The following MYO1E variants were observed in gnomAD, a reference collection of about 807,000 sequenced individuals.
MYO1E encodes unconventional myosin-Ie.
MYO1E carries 68 observed loss-of-function variants against 151.1 expected under a neutral mutation model. That is an observed-to-expected ratio of 0.45 (90% CI 0.37 to 0.55). The LOEUF (loss-of-function observed/expected upper bound fraction) is 0.55. Among genes scored for constraint, MYO1E ranks in the 20% least tolerant of loss-of-function variants. MYO1E has a pLI of 0.00. For synonymous variants in MYO1E, 601 were observed against 501.7 expected (o/e 1.20, Z -2.64); for missense variants, 1,363 against 1,389.3 (o/e 0.98, Z 0.30).
At chr15:59,279,222 A>T (rs999564004) in intron 1 of MYO1E, among the ~76,000 whole-genome samples, 2 of 152,142 alleles carry the variant, frequency 1.3e-5, no homozygotes, top group African/African-American at 4.8e-5. Flanking sequence ...CCAAGTGTAG[A>T]CACAGGCTCC....
At chr15:59,168,541 T>A (rs1202297857) in intron 22 of MYO1E, among the ~76,000 whole-genome samples, 1 of 151,776 alleles carries the variant, frequency 6.6e-6, no homozygotes, top group African/African-American at 2.4e-5. Context: ...TGAGACCCCG[T>A]CTCAAAAAAA....
At chr15:59,314,896 T>C (rs1324550213) in intron 1 of MYO1E, among the ~76,000 whole-genome samples, 4 of 152,116 alleles carry the variant, frequency 2.6e-5, no homozygotes, top group African/African-American at 4.8e-5. Flanking sequence ...CTCCAGCCAA[T>C]TGTTACCACA....
chr15:59,218,020 C>T lies in MYO1E; in HGVS notation c.978G>A (p.Arg326=), dbSNP rs141570155. Residue 326 remains arginine (R), a synonymous_variant, in exon 10 of 28, where the codon CGG becomes CGA. Coordinates refer to ENST00000288235, the MANE Select transcript of MYO1E (RefSeq NM_004998.4). ...TGCCTCCCCACTTGCTATCCATCTG[C>T]CGGCTTGTTAGCTTTTCTTTCAACC... is the stretch of plus-strand genomic sequence containing the variant. ...QDRLKEKLTS[R]QMDSKWGGKS... 510 of 1,614,222 alleles carry T rather than the reference C, an allele frequency of 3.2e-4. 2 individuals are homozygous for T. The African/African-American group carries it at 5.8e-3, about 18-fold the overall frequency.
intron 4 of MYO1E, among the ~76,000 whole-genome samples, chr15:59,245,056 A>G (rs1240579976): frequency 6.6e-6 from 1 of 152,194 alleles, no homozygotes; most frequent in Non-Finnish European, 1.5e-5. Flanking sequence ...GTATGGGCTG[A>G]CAGGGCCTCC....
intron 16 of MYO1E, among the ~76,000 whole-genome samples, chr15:59,198,546 C>A (rs1458302114): frequency 6.6e-6 from 1 of 152,162 alleles, no homozygotes; most frequent in East Asian, 1.9e-4. Flanking sequence ...CTGGGTGCAA[C>A]GGCTCACTCC....
intron 22 of MYO1E, among the ~76,000 whole-genome samples, chr15:59,165,958 G>T (rs1230845252): frequency 1.3e-5 from 2 of 152,218 alleles, no homozygotes; most frequent in African/African-American, 4.8e-5. Flanking sequence ...GCAGGATGGT[G>T]ATTATTCAAC....
chr15:59,256,949 G>C (rs2080197248), intron 3 of MYO1E, among the ~76,000 whole-genome samples: 1 of 152,136 alleles, frequency 6.6e-6, no homozygotes, highest in Non-Finnish European at 1.5e-5. Flanking sequence ...GTTCTTTAAA[G>C]GGATAAGCTA....
At chr15:59,357,609 T>C (rs2080862391) in intron 1 of MYO1E, among the ~76,000 whole-genome samples, 1 of 151,254 alleles carries the variant, frequency 6.6e-6, no homozygotes, top group Non-Finnish European at 1.5e-5. Context: ...GTTGTTGTTG[T>C]TGTTGTTGTT....
chr15:59,184,485 C>T (rs1194749814), intron 18 of MYO1E, among the ~76,000 whole-genome samples: 4 of 152,034 alleles, frequency 2.6e-5, no homozygotes, highest in Admixed American at 2.6e-4. Flanking sequence ...CTCAGCCTCC[C>T]AAGTAGCTGG....
At chr15:59,217,561 TA>T (rs1304791071) in intron 10 of MYO1E, among the ~76,000 whole-genome samples, 4 of 113,640 alleles carry the variant, frequency 3.5e-5, no homozygotes, top group South Asian at 6.9e-4. Context: ...GATCTCACTC[TA>T]ACCCCCAGGC....
At chr15:59,349,091 G>A (rs1456396398) in intron 1 of MYO1E, among the ~76,000 whole-genome samples, 1 of 152,098 alleles carries the variant, frequency 6.6e-6, no homozygotes, top group African/African-American at 2.4e-5. Context: ...GAATTTTGTT[G>A]AGCCTAGATC....
At chr15:59,236,778 AAAAC>A in intron 4 of MYO1E, 106 bp from the exon 5 acceptor site, 1 of 1,135,720 alleles carries the variant, frequency 8.8e-7, no homozygotes, top group South Asian at 1.3e-5. Context: ...AAAAACAAAA[AAAAC>A]AGGCAGAAAA....
intron 1 of MYO1E, among the ~76,000 whole-genome samples, chr15:59,332,797 A>C (rs778149123): frequency 1.3e-5 from 2 of 152,116 alleles, no homozygotes; most frequent in Non-Finnish European, 1.5e-5. Flanking sequence ...ACCAAAGCTC[A>C]AGTGATCCTC....
intron 1 of MYO1E, 133 bp downstream of exon 1, chr15:59,372,365 G>C (rs754045688): frequency 9.0e-7 from 1 of 1,110,802 alleles, no homozygotes; most frequent in Non-Finnish European, 1.3e-6. Context: ...ATCAGAGCTC[G>C]CGACGTGCCG....
chr15:59,354,201 CA>C (rs2140436796), intron 1 of MYO1E, among the ~76,000 whole-genome samples: 1 of 152,248 alleles, frequency 6.6e-6, no homozygotes, highest in Non-Finnish European at 1.5e-5. Flanking sequence ...GCAGAATAAA[CA>C]AAACAATTAA....
chr15:59,355,542 A>G (rs1201007353), intron 1 of MYO1E, among the ~76,000 whole-genome samples: 1 of 152,228 alleles, frequency 6.6e-6, no homozygotes, highest in Non-Finnish European at 1.5e-5. Context: ...CTTGAGTTCC[A>G]GAACAAAGAT....
chr15:59,365,482 T>C (rs1228877237), intron 1 of MYO1E, among the ~76,000 whole-genome samples: 1 of 152,162 alleles, frequency 6.6e-6, no homozygotes, highest in Non-Finnish European at 1.5e-5. Flanking sequence ...GACTGGGATC[T>C]AATAAGGTTA....
At chr15:59,147,286 G>A (rs2079446844) in intron 26 of MYO1E, among the ~76,000 whole-genome samples, 1 of 152,196 alleles carries the variant, frequency 6.6e-6, no homozygotes, top group Non-Finnish European at 1.5e-5. Context: ...GATGACTGCA[G>A]CTCAGATGTT....
chr15:59,227,184 T>C (rs1468376008), intron 7 of MYO1E, among the ~76,000 whole-genome samples: 2 of 152,188 alleles, frequency 1.3e-5, no homozygotes, highest in African/African-American at 4.8e-5. Context: ...CTGAATTCCT[T>C]TGGCAAAGAC....
Sources: gnomAD v4.1 joint callset for allele counts (sites outside exome capture counted in the v4.1 genomes callset) on GRCh38, gnomAD v4.1.1 for gene constraint, MANE v1.5 for transcripts, NCBI Gene and HGNC (gene_info 2026-07-23, HGNC 2026-07-21) for gene names.